CMIP: variants seen among roughly 807,000 people sequenced by gnomAD.
CMIP encodes c-Maf inducing protein.
Under a neutral mutation model 97.3 loss-of-function variants are expected in CMIP, and 13 were observed. That is an observed-to-expected ratio of 0.13 (90% CI 0.09 to 0.21). The LOEUF is 0.21. CMIP is among the 10% of genes least tolerant of loss of function. The pLI is 1.00. For missense variants in CMIP, 847 were observed against 1,024.9 expected (o/e 0.83, Z 2.37); for synonymous variants, 538 against 436.3 (o/e 1.23, Z -2.91).
In CMIP at chr16:81,670,201, C is replaced by A; in HGVS notation, c.885C>A (p.Asn295Lys). 1 of 1,611,740 alleles carries A rather than the reference C, an allele frequency of 6.2e-7. No individual in the cohort carries two copies. Among genetic ancestry groups the A allele is most frequent in the Non-Finnish European group, 8.5e-7 (1 of 1,179,060 alleles). ...CTCAGGAGTACATCCTTGCCTTGAACGAGCTCAACGCGGGGATGGAAGTGG... is the reference window on the plus strand; with the variant it reads ...CTCAGGAGTACATCCTTGCCTTGAAAGAGCTCAACGCGGGGATGGAAGTGG... ...LFTQEYILALNELNAGMEVVK... is the reference protein window; with the variant it reads ...LFTQEYILALKELNAGMEVVK... The change falls in exon 8 of 21, where the codon AAC (asparagine) becomes AAA (lysine). Residue 295 changes from asparagine to lysine, a missense_variant. This residue lies in a region of CMIP where 285 missense variants were observed against 392.2 expected (regional missense o/e 0.73). Coordinates refer to ENST00000537098, the MANE Select transcript of CMIP (RefSeq NM_198390.3).
chr16:81,452,880 G>GTTTTTTT (rs1220926915), intron 1 of CMIP, among the ~76,000 whole-genome samples: 4 of 63,730 alleles, frequency 6.3e-5, no homozygotes, highest in African/African-American at 2.6e-4. Context: ...TTTTTTTTTT[G>GTTTTTTT]TTTTGTTTTT....
At position 81,620,495 on chromosome 16, in the gene CMIP, C is replaced by T. The variant is rs61328964; in HGVS notation, c.427-381C>T. 547 of 225,332 alleles carry T rather than the reference C, an allele frequency of 2.4e-3. 2 individuals carry two copies. Among genetic ancestry groups the T allele is most frequent in the African/African-American group, 0.011 (513 of 44,616 alleles). The allele number at this position is 225,332 out of a possible 1,614,324, so 14.0% of individuals were successfully genotyped here. On this transcript the variant is annotated intron_variant, in intron 2 of 20. Coordinates refer to ENST00000537098, the MANE Select transcript of CMIP (RefSeq NM_198390.3). Reference sequence around the variant, plus strand: ...CCAAGTTCCTAGAACAGTCCTCATACACAGGCCCCCAGCCAGCCCCCACCA... The same window carrying T: ...CCAAGTTCCTAGAACAGTCCTCATATACAGGCCCCCAGCCAGCCCCCACCA...
chr16:81,521,457 T>C (rs913800284), intron 1 of CMIP, among the ~76,000 whole-genome samples: 39 of 152,156 alleles, frequency 2.6e-4, no homozygotes, highest in African/African-American at 8.9e-4. Flanking sequence ...CAAGGTCGGC[T>C]GCCTCCCTGA....
At chr16:81,470,767 A>AT (rs1462690721) in intron 1 of CMIP, among the ~76,000 whole-genome samples, 1 of 152,248 alleles carries the variant, frequency 6.6e-6, no homozygotes, top group Non-Finnish European at 1.5e-5. Flanking sequence ...CAAAATTGGG[A>AT]TTTTGTAAGT....
chr16:81,637,640 A>G (rs1366860905), intron 3 of CMIP, among the ~76,000 whole-genome samples: 1 of 152,150 alleles, frequency 6.6e-6, no homozygotes, highest in Non-Finnish European at 1.5e-5. Flanking sequence ...TGATGCACAC[A>G]TCTGCGAGCA....
chr16:81,458,232 G>A (rs1253551729), intron 1 of CMIP, among the ~76,000 whole-genome samples: 2 of 152,124 alleles, frequency 1.3e-5, no homozygotes, highest in Non-Finnish European at 2.9e-5. Flanking sequence ...ACCCATCCAC[G>A]GCTGGGCAGT....
Position 81,490,662 on chromosome 16 carries a change from C to G in CMIP, c.300+45121C>G, listed in dbSNP as rs115762871. ...CCTAGCATGGCGGGGGAATAAGGGC[C>G]CTGAAGAAGACAAGACCCACACAGG... On this transcript the variant is annotated intron_variant, in intron 1 of 20. Coordinates refer to ENST00000537098, the MANE Select transcript of CMIP (RefSeq NM_198390.3). Among the ~76,000 whole-genome samples, 523 of 152,130 alleles carry G rather than the reference C, an allele frequency of 3.4e-3. 5 individuals are homozygous for G. The highest frequency in any genetic ancestry group is 0.012 in the African/African-American group (494 of 41,488).
chr16:81,689,974 G>A (rs1905866381), intron 10 of CMIP, among the ~76,000 whole-genome samples: 2 of 152,234 alleles, frequency 1.3e-5, no homozygotes, highest in East Asian at 1.9e-4. Flanking sequence ...TAGATGTGTG[G>A]TATTATTTCT....
chr16:81,550,888 A>G (rs976239700), intron 1 of CMIP, among the ~76,000 whole-genome samples: 1 of 150,966 alleles, frequency 6.6e-6, no homozygotes, highest in African/African-American at 2.4e-5. Context: ...GTTCCATCAC[A>G]CACACCCCAG....
intron 1 of CMIP, among the ~76,000 whole-genome samples, chr16:81,516,706 G>A (rs1208646574): frequency 6.6e-6 from 1 of 152,212 alleles, no homozygotes; most frequent in African/African-American, 2.4e-5. Flanking sequence ...GGCTCCCTGG[G>A]GGCTGGGACC....
At chr16:81,475,909 C>T (rs1452668608) in intron 1 of CMIP, 1 of 388,454 alleles carries the variant, frequency 2.6e-6, no homozygotes, top group Non-Finnish European at 4.9e-6. Context: ...ATGGCATGAA[C>T]CCGGGAGGCA....
chr16:81,534,887 T>C (rs931091572), intron 1 of CMIP, among the ~76,000 whole-genome samples: 3 of 152,242 alleles, frequency 2.0e-5, no homozygotes, highest in Non-Finnish European at 4.4e-5. Flanking sequence ...GGCTTTCTGT[T>C]AGTTACCACT....
intron 1 of CMIP, among the ~76,000 whole-genome samples, chr16:81,507,182 G>C (rs554430574): frequency 1.3e-5 from 2 of 152,260 alleles, no homozygotes; most frequent in East Asian, 3.9e-4. Context: ...CGTGAACCCA[G>C]GAGGCGGAGC....
At chr16:81,624,903 A>G (rs558538928) in intron 3 of CMIP, among the ~76,000 whole-genome samples, 1 of 152,228 alleles carries the variant, frequency 6.6e-6, no homozygotes, top group East Asian at 1.9e-4. Context: ...TCAGCTCAGA[A>G]CTTTGAGCTG....
At chr16:81,467,288 AC>A (rs1907261073) in intron 1 of CMIP, among the ~76,000 whole-genome samples, 3 of 152,228 alleles carry the variant, frequency 2.0e-5, no homozygotes, top group Admixed American at 1.3e-4. Flanking sequence ...GCGCTTGACA[AC>A]CTTCTGCCCC....
chr16:81,580,149 G>T (rs935046428), intron 1 of CMIP, among the ~76,000 whole-genome samples: 4 of 152,120 alleles, frequency 2.6e-5, no homozygotes, highest in African/African-American at 7.2e-5. Flanking sequence ...TAGCTGCCTT[G>T]ACACCCTCCC....
At chr16:81,460,325 T>TTGCCATGGGTGGGTGGC (rs2150737442) in intron 1 of CMIP, among the ~76,000 whole-genome samples, 2 of 152,276 alleles carry the variant, frequency 1.3e-5, no homozygotes, top group South Asian at 4.1e-4. Flanking sequence ...TTGCCAGCGG[T>TTGCCATGGGTGGGTGGC]TGCCATGGGT....
chr16:81,644,830 G>A (rs898407515), intron 3 of CMIP, among the ~76,000 whole-genome samples: 4 of 152,178 alleles, frequency 2.6e-5, no homozygotes, highest in African/African-American at 4.8e-5. Context: ...AGTGAGATGG[G>A]GGCTTGGAGA....
At position 81,710,884 on chromosome 16, in the gene CMIP, A is replaced by G. The variant is rs547149440; in HGVS notation, c.*1085A>G. ...CAGCCTTTGCTGTCCCCTGTCCCCA[A>G]CGGAGACTCTGTCACCCCTGGGCTC... On this transcript the variant is annotated 3_prime_UTR_variant, in exon 21 of 21. Transcript: ENST00000537098. 6 of 151,980 alleles carry G rather than the reference A, an allele frequency of 3.9e-5. No individual in the cohort carries two copies. Among genetic ancestry groups the G allele is most frequent in the South Asian group, 4.2e-4 (2 of 4,806 alleles). 9.4% of individuals were successfully genotyped at this position (151,980 alleles called of 1,614,324 possible). A position where few individuals can be genotyped will look rare whatever the true frequency, so the allele number is the denominator to read the frequency against.
Sources: gnomAD v4.1 joint callset for allele counts (sites outside exome capture counted in the v4.1 genomes callset) on GRCh38, gnomAD v4.1.1 for gene constraint, gnomAD v4.1.1 regional missense constraint, MANE v1.5 for transcripts, NCBI Gene and HGNC (gene_info 2026-07-23, HGNC 2026-07-21) for gene names.